Variants in DTNB observed in about 807,000 individuals in gnomAD.
DTNB encodes the protein dystrobrevin beta.
In DTNB, 63 loss-of-function variants were observed where a neutral mutation model predicts 90.7. The ratio of observed to expected loss-of-function variants is 0.69; its 90% CI spans 0.57 to 0.86. The LOEUF (loss-of-function observed/expected upper bound fraction) is 0.86, where lower values mean the gene tolerates loss of function less well. DTNB is among the 40% of genes least tolerant of loss of function. The pLI is 0.00. For missense variants in DTNB, 744 were observed against 807.1 expected, an observed-to-expected ratio of 0.92 and a Z score of 0.95; for synonymous variants, 277 against 286.7, an observed-to-expected ratio of 0.97 and a Z score of 0.34.
intron 10 of DTNB, among the ~76,000 whole-genome samples, chr2:25,464,536 G>C (rs1005165322): frequency 3.9e-5 from 6 of 152,202 alleles, no homozygotes; most frequent in African/African-American, 1.2e-4. Context: ...ACAAATGGGA[G>C]ATATACAGAG....
intron 8 of DTNB, among the ~76,000 whole-genome samples, chr2:25,548,233 T>C (rs1296644885): frequency 6.6e-6 from 1 of 152,172 alleles, no homozygotes; most frequent in African/African-American, 2.4e-5. Flanking sequence ...ATCTTTTCTT[T>C]CCTAGAAAGT....
intron 9 of DTNB, among the ~76,000 whole-genome samples, chr2:25,507,004 G>C (rs1033874990): frequency 2.0e-5 from 3 of 152,016 alleles, no homozygotes; most frequent in Non-Finnish European, 4.4e-5. Flanking sequence ...TTGGATCCAT[G>C]CATATTAGAA....
intron 4 of DTNB, among the ~76,000 whole-genome samples, chr2:25,610,995 C>T (rs1412987306): frequency 1.3e-5 from 2 of 152,328 alleles, no homozygotes; most frequent in East Asian, 3.9e-4. Flanking sequence ...CAGGCGTGAG[C>T]CACTGCACCC....
chr2:25,538,940 T>C (rs2080489961), intron 8 of DTNB, among the ~76,000 whole-genome samples: 1 of 152,176 alleles, frequency 6.6e-6, no homozygotes, highest in African/African-American at 2.4e-5. Flanking sequence ...TTTCTTTGAC[T>C]TTATTATTTT....
At chr2:25,647,499 C>T (rs1559375492) in intron 2 of DTNB, among the ~76,000 whole-genome samples, 2 of 152,300 alleles carry the variant, frequency 1.3e-5, no homozygotes, top group South Asian at 4.1e-4. Context: ...TTCAAAGATT[C>T]TAGATCTTCT....
chr2:25,444,217 T>C (rs1165676715), intron 12 of DTNB, among the ~76,000 whole-genome samples: 1 of 152,136 alleles, frequency 6.6e-6, no homozygotes, highest in Non-Finnish European at 1.5e-5. Flanking sequence ...TACCACACAT[T>C]ATAGTTTTGT....
chr2:25,629,846 A>G (rs2075285169), intron 3 of DTNB, among the ~76,000 whole-genome samples: 1 of 152,236 alleles, frequency 6.6e-6, no homozygotes, highest in Non-Finnish European at 1.5e-5. Context: ...CAAGATCAGG[A>G]ACAAGACACT....
chr2:25,391,359 G>C (rs1182363366), intron 16 of DTNB, among the ~76,000 whole-genome samples: 2 of 152,102 alleles, frequency 1.3e-5, no homozygotes, highest in Non-Finnish European at 2.9e-5. Flanking sequence ...AACTATATAT[G>C]ATACATGATC....
intron 16 of DTNB, among the ~76,000 whole-genome samples, chr2:25,396,476 A>G (rs1473047121): frequency 2.6e-5 from 4 of 151,168 alleles, no homozygotes; most frequent in Admixed American, 6.6e-5. Context: ...GTGTCACTGC[A>G]CTCCAGCCTA....
At chr2:25,388,744 A>G (rs534396934) in intron 16 of DTNB, 1 of 199,578 alleles carries the variant, frequency 5.0e-6, no homozygotes, top group Non-Finnish European at 1.0e-5. Context: ...ATTCATGTAC[A>G]TGTTCTCATT....
At chr2:25,390,584 C>CA (rs1191056033) in intron 16 of DTNB, among the ~76,000 whole-genome samples, 1 of 151,882 alleles carries the variant, frequency 6.6e-6, no homozygotes, top group African/African-American at 2.4e-5. Context: ...GATGGGATTA[C>CA]AGGTGCGTGT....
intron 8 of DTNB, among the ~76,000 whole-genome samples, chr2:25,534,350 CAGA>C (rs1422188768): frequency 2.0e-5 from 3 of 152,236 alleles, no homozygotes; most frequent in Non-Finnish European, 4.4e-5. Context: ...CATCCCAAGG[CAGA>C]AGAATTTTTC....
At chr2:25,480,591 A>G (rs1453055783) in intron 10 of DTNB, among the ~76,000 whole-genome samples, 2 of 152,204 alleles carry the variant, frequency 1.3e-5, no homozygotes, top group South Asian at 2.1e-4. Flanking sequence ...AACACTGTCC[A>G]GAAAGCCATG....
At chr2:25,561,713 C>T (rs750643790) in intron 8 of DTNB, among the ~76,000 whole-genome samples, 1 of 152,158 alleles carries the variant, frequency 6.6e-6, no homozygotes, top group African/African-American at 2.4e-5. Context: ...CCCCTGCTCT[C>T]GTCCTGTGAT....
At chr2:25,554,993 C>CT (rs1559010098) in intron 8 of DTNB, among the ~76,000 whole-genome samples, 1 of 151,914 alleles carries the variant, frequency 6.6e-6, no homozygotes, top group South Asian at 2.1e-4. Flanking sequence ...TGTTTTCTTT[C>CT]TTTTTTTTAA....
rs193205962 is a variant in DTNB at position 25,421,801 on chromosome 2, A to C, written c.1555-2266T>G. Among the ~76,000 whole-genome samples, 10 of 152,342 alleles carry C rather than the reference A, an allele frequency of 6.6e-5. No homozygotes were observed. In the East Asian group the frequency reaches 1.7e-3, roughly 26 times the overall value. On this transcript the variant is annotated intron_variant, in intron 15 of 20. Coordinates refer to ENST00000406818, the MANE Select transcript of DTNB (RefSeq NM_021907.5). The stretch of plus-strand genomic sequence containing the variant: ...GCTCAACAGAATAGGGAAATTCAGA[A>C]AGCAATGTTTCATACTTGGACATCT...
intron 6 of DTNB, among the ~76,000 whole-genome samples, chr2:25,582,256 C>CGGAGGGACAA (rs2148220140): frequency 6.6e-6 from 1 of 152,212 alleles, no homozygotes; most frequent in African/African-American, 2.4e-5. Context: ...GCCTGAAGGA[C>CGGAGGGACAA]GGAGGCCCCC....
intron 10 of DTNB, among the ~76,000 whole-genome samples, chr2:25,479,179 C>T (rs981140495): frequency 6.6e-6 from 1 of 152,172 alleles, no homozygotes; most frequent in African/African-American, 2.4e-5. Context: ...GAAATTCCCA[C>T]AGAATTGTTA....
chr2:25,540,069 C>T (rs923733602), intron 8 of DTNB, among the ~76,000 whole-genome samples: 1 of 152,196 alleles, frequency 6.6e-6, no homozygotes, highest in Non-Finnish European at 1.5e-5. Flanking sequence ...CCTGTCTTTT[C>T]AGGAAGTGCA....
Sources: allele counts gnomAD v4.1 joint callset (sites outside exome capture counted in the v4.1 genomes callset), GRCh38; gene constraint gnomAD v4.1.1; transcripts MANE v1.5; gene names NCBI Gene and HGNC (gene_info 2026-07-23, HGNC 2026-07-21).